The following TBC1D24 variants were observed in gnomAD, a reference collection of about 807,000 sequenced individuals.
TBC1D24 encodes Infantile myoclonic epilepsy.
A neutral mutation model predicts 50.7 loss-of-function variants in TBC1D24; 47 were observed. That is an observed-to-expected ratio of 0.93 (90% CI 0.73 to 1.18). TBC1D24 has a LOEUF of 1.18. Among genes scored for constraint, TBC1D24 ranks in the 50% most tolerant of loss-of-function variants. The probability of loss-of-function intolerance (pLI) is 0.00; values close to 1 mark genes in which losing one functional copy is unlikely to be tolerated. For missense variants in TBC1D24, 688 were observed against 766.5 expected (o/e 0.90, Z 1.21); for synonymous variants, 324 against 335.2 (o/e 0.97, Z 0.36).
rs2141881869 is a variant in TBC1D24 at position 2,504,091 on chromosome 16, CTA to C, written c.*3135_*3136del. 6.6e-6 allele frequency: 1 copy of C among 152,142 alleles called. No individual in the cohort carries two copies. The highest frequency in any genetic ancestry group is 2.4e-5 in the African/African-American group (1 of 41,528). 9.4% of individuals were successfully genotyped at this position (152,142 alleles called of 1,614,324 possible). ...AATGAACTAAAGTATTTTAATTTTT[CTA>C]TTTTTGTAAGCCGCATACTTCATTT... On this transcript the variant is annotated 3_prime_UTR_variant, in exon 8 of 8. Coordinates refer to ENST00000646147, the MANE Select transcript of TBC1D24 (RefSeq NM_001199107.2).
At chr16:2,493,024 C>T (rs569624237) in intron 1 of TBC1D24, among the ~76,000 whole-genome samples, 12 of 151,872 alleles carry the variant, frequency 7.9e-5, no homozygotes, top group Admixed American at 2.6e-4. Flanking sequence ...CCCAGGGAGG[C>T]GGAGGTTGCA....
intron 1 of TBC1D24, chr16:2,481,635 C>T (rs1394591620): frequency 6.6e-6 from 1 of 152,234 alleles, no homozygotes; most frequent in Non-Finnish European, 1.5e-5. Flanking sequence ...AACCTTTGGG[C>T]TCAGATGATA....
At chr16:2,493,120 AAAATGGT>A (rs1299199001) in intron 1 of TBC1D24, among the ~76,000 whole-genome samples, 8 of 151,718 alleles carry the variant, frequency 5.3e-5, no homozygotes, top group African/African-American at 1.5e-4. Flanking sequence ...AAAAATGGCT[AAAATGGT>A]AAATTTTTTG....
chr16:2,493,080 G>T (rs1054414677), intron 1 of TBC1D24, among the ~76,000 whole-genome samples: 2 of 151,786 alleles, frequency 1.3e-5, no homozygotes, highest in African/African-American at 4.8e-5. Flanking sequence ...ACGACAGTGC[G>T]GCACTCTGTC....
In TBC1D24 at chr16:2,500,857, A is replaced by C. The variant is rs760447708; in HGVS notation, c.1579A>C (p.Thr527Pro). The C allele has an allele frequency of 1.2e-6, 2 of 1,610,770 alleles. No individual in the cohort carries two copies. Among genetic ancestry groups the C allele is most frequent in the South Asian group, 2.2e-5 (2 of 91,064 alleles). The change falls in exon 8 of 8, where the codon ACA becomes CCA. Residue 527 changes from threonine to proline, a missense_variant. By Grantham distance (38) the Thr-to-Pro change is conservative. Transcript: ENST00000646147. The surrounding 1 kb of genome is among the most constrained non-coding windows in gnomAD (Gnocchi z 8.0). ...CGATGGGGACCTGAACCGGGGCCGC[A>C]CAAGCCACTGCGACACCTTCAACAA... is the stretch of plus-strand genomic sequence containing the variant. ...YIDGDLNRGR[T>P]SHCDTFNNQP...
At chr16:2,495,181 C>T (rs575001846) in intron 1 of TBC1D24, among the ~76,000 whole-genome samples, 331 of 152,158 alleles carry the variant, frequency 2.2e-3, no homozygotes, top group Middle Eastern at 6.8e-3. Flanking sequence ...GGCAAAATCT[C>T]GTCTCTACTA....
In TBC1D24 at chr16:2,500,555, C is replaced by CCCAG. The variant is rs1261716669; in HGVS notation, c.1525+68_1525+71dup. Reference sequence around the variant, plus strand: ...GGTCCGGGCAGCTGAAGCTGCTGCACCCAGCCCTCCCTGACCGGGGTGGCA... The same window carrying CCCAG: ...GGTCCGGGCAGCTGAAGCTGCTGCACCCAGCCAGCCCTCCCTGACCGGGGTGGCA... On this transcript the variant is annotated intron_variant, in intron 7 of 7. Coordinates refer to ENST00000646147, the MANE Select transcript of TBC1D24 (RefSeq NM_001199107.2). The surrounding 1 kb of genome is among the most constrained non-coding windows in gnomAD (Gnocchi z 8.0). The CCCAG allele has an allele frequency of 6.8e-7, 1 of 1,481,232 alleles. No homozygotes were observed. The highest frequency in any genetic ancestry group is 1.4e-5 in the African/African-American group (1 of 71,842). The allele number at this position is 1,481,232 out of a possible 1,614,324, so 91.8% of individuals were successfully genotyped here.
chr16:2,489,961 C>T (rs2065682688), intron 1 of TBC1D24, among the ~76,000 whole-genome samples: 1 of 152,220 alleles, frequency 6.6e-6, no homozygotes, highest in Non-Finnish European at 1.5e-5. Context: ...TCCGTGCTGC[C>T]CTCTGCGCCC....
At position 2,505,505 on chromosome 16, in the gene TBC1D24, G is replaced by GT. The variant is rs2065828018; in HGVS notation, c.*4547_*4548insT. On this transcript the variant is annotated 3_prime_UTR_variant, in exon 8 of 8. Coordinates refer to ENST00000646147, the MANE Select transcript of TBC1D24 (RefSeq NM_001199107.2). ...GAAGGGAAAAAATAGTTGTGTGAAT[G>GT]ATTTTACCTCTTAGTTCTTACGAAG... 1 of 152,218 alleles carries GT rather than the reference G, an allele frequency of 6.6e-6. No homozygotes were observed. Among genetic ancestry groups the GT allele is most frequent in the Non-Finnish European group, 1.5e-5 (1 of 68,034 alleles). The allele number at this position is 152,218 out of a possible 1,614,324, so 9.4% of individuals were successfully genotyped here.
intron 1 of TBC1D24, among the ~76,000 whole-genome samples, chr16:2,491,694 A>T (rs1320735292): frequency 1.3e-5 from 2 of 152,114 alleles, no homozygotes; most frequent in East Asian, 1.9e-4. Flanking sequence ...AGCTGGGACT[A>T]CAGGCATGTG....
At chr16:2,477,987 G>A (rs2065582234) in intron 1 of TBC1D24, 2 of 152,332 alleles carry the variant, frequency 1.3e-5, no homozygotes, top group African/African-American at 4.8e-5. Flanking sequence ...ACAGCAGACT[G>A]GGAAAAGCCT....
rs761347854 is a variant in TBC1D24, at chr16:2,496,791, T to G, written c.643T>G (p.Trp215Gly). ...VLQVYADWQR[W>G]LFGELPLCYF... ...GCAGGTCTATGCGGACTGGCAGCGC[T>G]GGCTGTTTGGGGAGCTGCCCCTCTG... The change falls in exon 2 of 8, where the codon TGG becomes GGG. Residue 215 changes from tryptophan to glycine, a missense_variant. Transcript: ENST00000646147. 1.2e-6 allele frequency: 2 copies of G among 1,613,886 alleles called. No individual in the cohort carries two copies. Among genetic ancestry groups the G allele is most frequent in the Non-Finnish European group, 1.7e-6 (2 of 1,180,060 alleles).
chr16:2,494,411 C>CAA (rs1350473333), intron 1 of TBC1D24, among the ~76,000 whole-genome samples: 6,177 of 117,888 alleles, frequency 0.052, 478 homozygotes, highest in African/African-American at 0.17. Context: ...GACTCTGTCT[C>CAA]AAAAAAAAAA....
rs200545150 is a variant in TBC1D24, at chr16:2,499,787, C to T, written c.1207-48C>T. ...CCGTCAGTAGTCTGGAGCACAGGGA[C>T]GCTCCTGGGGGCCTGCGGGCACAGC... On this transcript the variant is annotated intron_variant, in intron 5 of 7. Transcript: ENST00000646147. This position sits in a 1 kb window ranked among gnomAD's most constrained non-coding sequence, Gnocchi z 4.0. 6.3e-3 allele frequency: 9,565 copies of T among 1,522,232 alleles called. 32 individuals are homozygous for T. Among genetic ancestry groups the T allele is most frequent in the Middle Eastern group, 0.017 (101 of 5,918 alleles). 94.3% of individuals were successfully genotyped at this position (1,522,232 alleles called of 1,614,324 possible).
intron 1 of TBC1D24, among the ~76,000 whole-genome samples, chr16:2,489,408 G>A (rs899931337): frequency 1.3e-5 from 2 of 152,218 alleles, no homozygotes; most frequent in Admixed American, 6.5e-5. Context: ...CTCCAGCTTG[G>A]GCGACAGAGC....
chr16:2,483,266 T>A lies in TBC1D24; in HGVS notation c.-116+8096T>A, dbSNP rs549158853. Reference sequence around the variant, plus strand: ...AAGGATGCCAGGTGGCACCGGGGGCTGGGCCACTGGAAACCGCTGAGCAGG... The same window carrying A: ...AAGGATGCCAGGTGGCACCGGGGGCAGGGCCACTGGAAACCGCTGAGCAGG... On this transcript the variant is annotated intron_variant, in intron 1 of 7. Transcript: ENST00000646147. The surrounding 1 kb of genome is among the most constrained non-coding windows in gnomAD (Gnocchi z 4.0). 6.6e-6 allele frequency: 1 copy of A among 152,400 alleles called. No homozygotes were observed. The highest frequency in any genetic ancestry group is 2.1e-4 in the South Asian group (1 of 4,842). 9.4% of individuals were successfully genotyped at this position (152,400 alleles called of 1,614,324 possible). A position where few individuals can be genotyped will look rare whatever the true frequency, so the allele number is the denominator to read the frequency against.
At position 2,496,346 on chromosome 16, in the gene TBC1D24, G is replaced by A. The variant is rs373088306; in HGVS notation, c.198G>A (p.Thr66=). 1.4e-5 allele frequency: 23 copies of A among 1,613,428 alleles called. No individual in the cohort carries two copies. Among genetic ancestry groups the A allele is most frequent in the African/African-American group, 5.3e-5 (4 of 74,944 alleles). Residue 66 remains threonine (T), a synonymous_variant, in exon 2 of 8, where the codon ACG becomes ACA. Coordinates refer to ENST00000646147, the MANE Select transcript of TBC1D24 (RefSeq NM_001199107.2). ...QRLIRDIPCR[T]VTPDASVYSD... ...TGATCCGGGACATTCCCTGCCGCAC[G>A]GTCACGCCTGACGCCAGCGTGTACA...
rs1016808921 is a variant in TBC1D24 at position 2,503,333 on chromosome 16, T to G, written c.*2375T>G. On this transcript the variant is annotated 3_prime_UTR_variant, in exon 8 of 8. Coordinates refer to ENST00000646147, the MANE Select transcript of TBC1D24 (RefSeq NM_001199107.2). The stretch of plus-strand genomic sequence containing the variant: ...TTATTATCTTTTTTATTCTTATCAC[T>G]GTACTTGTTAGTATCTGATATTAGG... 4 of 152,258 alleles carry G rather than the reference T, an allele frequency of 2.6e-5. No homozygotes were observed. Among genetic ancestry groups the G allele is most frequent in the Admixed American group, 2.6e-4 (4 of 15,292 alleles). 9.4% of individuals were successfully genotyped at this position (152,258 alleles called of 1,614,324 possible).
Position 2,500,389 on chromosome 16 carries a change from C to G in TBC1D24, c.1424C>G (p.Pro475Arg). The change falls in exon 7 of 8, where the codon CCC becomes CGC. Residue 475 changes from proline (P) to arginine (R), a missense_variant. By Grantham distance (103) the Pro-to-Arg change is moderately radical. Transcript: ENST00000646147. This position sits in a 1 kb window ranked among gnomAD's most constrained non-coding sequence, Gnocchi z 8.0. ...APLSHSASSD[P>R]ADRLSPFLAA... ...CTCAGCCACTCCGCCTCCTCAGACC[C>G]CGCTGACCGCCTCTCGCCCTTCCTG... is the stretch of plus-strand genomic sequence containing the variant. The G allele has an allele frequency of 6.2e-7, 1 of 1,605,184 alleles. No individual in the cohort carries two copies. The highest frequency in any genetic ancestry group is 8.5e-7 in the Non-Finnish European group (1 of 1,176,494).
Sources: gnomAD v4.1 joint callset for allele counts (sites outside exome capture counted in the v4.1 genomes callset) on GRCh38, gnomAD v4.1.1 for gene constraint, Gnocchi (gnomAD v3.1) non-coding constraint, MANE v1.5 for transcripts, NCBI Gene and HGNC (gene_info 2026-07-23, HGNC 2026-07-21) for gene names.